Variants in ANXA4 observed in about 807,000 individuals in gnomAD.
ANXA4 encodes 35-beta calcimedin.
Under a neutral mutation model 49.8 loss-of-function variants are expected in ANXA4, and 39 were observed. That is an observed-to-expected ratio of 0.78 (90% CI 0.61 to 1.02). The LOEUF is 1.02. Among genes scored for constraint, ANXA4 ranks in the 50% least tolerant of loss-of-function variants. ANXA4 has a pLI of 0.00. For synonymous variants in ANXA4, 134 were observed against 152.5 expected, an observed-to-expected ratio of 0.88 and a Z score of 0.89; for missense variants, 360 against 410.1, an observed-to-expected ratio of 0.88 and a Z score of 1.05.
At chr2:69,707,471 A>G (rs1052690858) in intron 2 of ANXA4, among the ~76,000 whole-genome samples, 4 of 152,232 alleles carry the variant, frequency 2.6e-5, no homozygotes, top group African/African-American at 9.6e-5. Flanking sequence ...CAAAGTAATT[A>G]TTACCTTAAT....
intron 3 of ANXA4, among the ~76,000 whole-genome samples, chr2:69,731,247 T>G (rs1670086436): frequency 6.6e-6 from 1 of 152,188 alleles, no homozygotes; most frequent in South Asian, 2.1e-4. Context: ...TTAATTAACT[T>G]CAGCACAACT....
At chr2:69,763,035 A>G (rs1671360881) in intron 1 of ANXA4, among the ~76,000 whole-genome samples, 1 of 152,180 alleles carries the variant, frequency 6.6e-6, no homozygotes, top group Non-Finnish European at 1.5e-5. Flanking sequence ...CTTCACGAGA[A>G]TCTTGAATGA....
intron 1 of ANXA4, among the ~76,000 whole-genome samples, chr2:69,774,062 A>T (rs1412551945): frequency 1.3e-5 from 2 of 151,228 alleles, no homozygotes; most frequent in Admixed American, 1.3e-4. Flanking sequence ...ACCTCAGGTG[A>T]TCTGCCCGCC....
rs761683739 is a variant in ANXA4 at position 69,788,022 on chromosome 2, C to T, written c.10-32C>T. ...TGCCTCCGTGTTGGTGAGAGGCTGC[C>T]TCTCAGTAACATCACTCTCTTGTGT... On this transcript the variant is annotated intron_variant, in intron 2 of 12. Coordinates refer to ENST00000394295, the MANE Select transcript of ANXA4 (RefSeq NM_001153.5). The T allele has an allele frequency of 5.8e-5, 92 of 1,590,056 alleles. No homozygotes were observed. The East Asian group carries it at 2.0e-3, about 34-fold the overall frequency.
At chr2:69,752,146 T>C (rs1418388625) in intron 1 of ANXA4, among the ~76,000 whole-genome samples, 1 of 152,226 alleles carries the variant, frequency 6.6e-6, no homozygotes, top group East Asian at 1.9e-4. Flanking sequence ...ATGAGAAAGC[T>C]AAGCCAAAGC....
intron 10 of ANXA4, 149 bp from the exon 11 acceptor site, chr2:69,819,131 C>T: frequency 1.7e-6 from 1 of 588,688 alleles, no homozygotes; most frequent in Non-Finnish European, 3.0e-6. Context: ...TAGAGCATCG[C>T]CTATGTTCAT....
At chr2:69,663,215 C>T (rs1472169913) in intron 2 of ANXA4, among the ~76,000 whole-genome samples, 10 of 145,634 alleles carry the variant, frequency 6.9e-5, no homozygotes, top group Non-Finnish European at 1.2e-4. Flanking sequence ...AGGATGGTCT[C>T]GATCTCCTGA....
intron 3 of ANXA4, 88 bp downstream of exon 3, chr2:69,788,229 G>T (rs192175334): frequency 1.6e-6 from 2 of 1,223,268 alleles, no homozygotes; most frequent in Non-Finnish European, 2.4e-6. Context: ...TGGCCATCAC[G>T]TGGGTCTTCC....
At chr2:69,667,932 C>T (rs186806214) in intron 2 of ANXA4, among the ~76,000 whole-genome samples, 102 of 152,262 alleles carry the variant, frequency 6.7e-4, no homozygotes, top group African/African-American at 2.2e-3. Context: ...TTGGGCTAGC[C>T]GGGACAAGCC....
rs1669688635 is a variant in ANXA4 at position 69,717,757 on chromosome 2, T to C, written n.767-3017T>C. Among the ~76,000 whole-genome samples, 6 of 152,316 alleles carry C rather than the reference T, an allele frequency of 3.9e-5. No individual in the cohort carries two copies. The South Asian group carries it at 1.2e-3, about 32-fold the overall frequency. On this transcript the variant is annotated intron_variant and non_coding_transcript_variant, in intron 2 of 3. Coordinates refer to the ANXA4 transcript ENST00000418066. ...AGATGCCCTGAGCCTTCCTGATGCC[T>C]GGGACTGGTACCTCATCCAGTTTGC...
intron 1 of ANXA4, among the ~76,000 whole-genome samples, chr2:69,651,219 A>T (rs1676217228): frequency 6.6e-6 from 1 of 152,192 alleles, no homozygotes; most frequent in African/African-American, 2.4e-5. Flanking sequence ...ACAGGTGAGG[A>T]TGTTAGCCAG....
intron 2 of ANXA4, among the ~76,000 whole-genome samples, chr2:69,702,205 G>GT (rs1678352026): frequency 6.6e-6 from 1 of 151,746 alleles, no homozygotes; most frequent in African/African-American, 2.4e-5. Flanking sequence ...GTAGAGATAG[G>GT]TTTTGCCATG....
intron 2 of ANXA4, among the ~76,000 whole-genome samples, chr2:69,691,175 G>A (rs1396800013): frequency 6.6e-6 from 1 of 151,218 alleles, no homozygotes; most frequent in Non-Finnish European, 1.5e-5. Flanking sequence ...CCAGGCTGGA[G>A]TGCAGTGGTG....
At chr2:69,814,552 T>C (rs1461499723) in intron 8 of ANXA4, among the ~76,000 whole-genome samples, 1 of 151,906 alleles carries the variant, frequency 6.6e-6, no homozygotes, top group African/African-American at 2.4e-5. Flanking sequence ...TTTTGCCATA[T>C]TGCCCAGGCT....
At chr2:69,817,897 T>TG (rs1674068783) in intron 9 of ANXA4, 2 of 152,244 alleles carry the variant, frequency 1.3e-5, no homozygotes, top group South Asian at 4.1e-4. Context: ...GGGTCCTGAC[T>TG]GGGTCAACTG....
chr2:69,742,555 C>G (rs1670440568), intron 1 of ANXA4, among the ~76,000 whole-genome samples: 1 of 152,238 alleles, frequency 6.6e-6, no homozygotes, highest in Non-Finnish European at 1.5e-5. Context: ...ACACCTCTTA[C>G]AGTTTACTTT....
At chr2:69,730,772 T>G (rs1670075826) in intron 3 of ANXA4, among the ~76,000 whole-genome samples, 1 of 152,170 alleles carries the variant, frequency 6.6e-6, no homozygotes, top group South Asian at 2.1e-4. Context: ...TATGGAAGAT[T>G]GGTAAATTGA....
chr2:69,807,306 T>C (rs1673482120), intron 5 of ANXA4, among the ~76,000 whole-genome samples: 1 of 152,148 alleles, frequency 6.6e-6, no homozygotes. Flanking sequence ...CCTCCAGGTC[T>C]ACTATAGGCT....
intron 3 of ANXA4, among the ~76,000 whole-genome samples, chr2:69,802,454 T>C (rs1325840223): frequency 1.3e-5 from 2 of 152,182 alleles, no homozygotes; most frequent in African/African-American, 2.4e-5. Context: ...GGCTCACGCC[T>C]GTAATCCCAG....
Sources: allele counts gnomAD v4.1 joint callset (sites outside exome capture counted in the v4.1 genomes callset), GRCh38; gene constraint gnomAD v4.1.1; transcripts MANE v1.5; gene names NCBI Gene and HGNC (gene_info 2026-07-23, HGNC 2026-07-21).